The following DCAF11 variants were observed in gnomAD, a reference collection of about 807,000 sequenced individuals.
DCAF11 encodes DDB1 and CUL4 associated factor 11.
In DCAF11, 44 loss-of-function variants were observed where a neutral mutation model predicts 76.1. That is an observed-to-expected ratio of 0.58 (90% confidence interval 0.45 to 0.74). DCAF11 has a LOEUF of 0.74. Among genes scored for constraint, DCAF11 ranks in the 30% least tolerant of loss-of-function variants. DCAF11 has a pLI of 0.00. For synonymous variants in DCAF11, 258 were observed against 255.0 expected (o/e 1.01, Z -0.11); for missense variants, 604 against 709.4 (o/e 0.85, Z 1.69).
Position 24,119,156 on chromosome 14 carries a change from G to A in DCAF11, c.791G>A (p.Arg264His), listed in dbSNP as rs768964486. The A allele has an allele frequency of 2.0e-5, 32 of 1,614,094 alleles. No homozygotes were observed. Among genetic ancestry groups the A allele is most frequent in the East Asian group, 4.5e-5 (2 of 44,904 alleles). The change falls in exon 9 of 15, where the codon CGT (arginine) becomes CAT (histidine). Residue 264 changes from arginine to histidine, a missense_variant. Physicochemically the swap from Arg to His is conservative, Grantham distance 29 (BLOSUM62 0). Transcript: ENST00000446197. ...CTTCTTGCTTTTAGGCCAGATGAGC[G>A]TCGCTTTGCTGTCTTCTCCATTGCT... ...HTALDLRPDE[R>H]RFAVFSIAVS...
At position 24,118,553 on chromosome 14, in the gene DCAF11, T is replaced by C; in HGVS notation, c.724+19T>C. ...GATTACAGTGAGTATGCACCAGGCT[T>C]CCACTGACTCTCCAGCCTGGGACCT... On this transcript the variant is annotated intron_variant, in intron 7 of 14. Coordinates refer to ENST00000446197, the MANE Select transcript of DCAF11 (RefSeq NM_025230.5). 6.2e-7 allele frequency: 1 copy of C among 1,609,954 alleles called. No individual in the cohort carries two copies. Among genetic ancestry groups the C allele is most frequent in the Non-Finnish European group, 8.5e-7 (1 of 1,176,616 alleles).
In DCAF11 at chr14:24,115,752, A is replaced by C; in HGVS notation, c.155+3A>C. The C allele has an allele frequency of 6.2e-7, 1 of 1,611,500 alleles. No homozygotes were observed. Among genetic ancestry groups the C allele is most frequent in the Non-Finnish European group, 8.5e-7 (1 of 1,178,648 alleles). ...GTACTGGCCTATCTCCTCCGCAGGT[A>C]ACTTACCCTCTGGTGTGACCCCCAG... On this transcript the variant is annotated splice_donor_region_variant and intron_variant, in intron 2 of 14. Transcript: ENST00000446197.
intron 9 of DCAF11, 95 bp downstream of exon 9, chr14:24,119,308 G>A: frequency 6.7e-7 from 1 of 1,499,158 alleles, no homozygotes. Context: ...GGCAGCTGCA[G>A]AGAACAACCA....
Position 24,121,371 on chromosome 14 carries a change from G to T in DCAF11, c.1253G>T (p.Arg418Leu), listed in dbSNP as rs200269782. 1 of 1,614,152 alleles carries T rather than the reference G, an allele frequency of 6.2e-7. No homozygotes were observed. The highest frequency in any genetic ancestry group is 8.5e-7 in the Non-Finnish European group (1 of 1,180,034). ...RWQQVPKKAW[R>L]KLKLPGDSSL... The stretch of plus-strand genomic sequence containing the variant: ...ACTCTGCATCCCTACCCAGCCTGGC[G>T]GAAGCTGAAGCTCCCAGGGGACAGC... The change falls in exon 13 of 15, where the codon CGG (arginine) becomes CTG (leucine). Residue 418 changes from arginine to leucine, a missense_variant. By Grantham distance (102) the Arg-to-Leu change is moderately radical (BLOSUM62 -2). Transcript: ENST00000446197.
chr14:24,114,918 C>T lies in DCAF11; in HGVS notation c.-589C>T. 3.0e-6 allele frequency: 3 copies of T among 986,038 alleles called. No homozygotes were observed. The highest frequency in any genetic ancestry group is 3.6e-6 in the Non-Finnish European group (3 of 830,010). 61.1% of individuals were successfully genotyped at this position (986,038 alleles called of 1,614,324 possible). A position where few individuals can be genotyped will look rare whatever the true frequency, so the allele number is the denominator to read the frequency against. Reference sequence around the variant, plus strand: ...GCCGCTGCGGGTCCTGCGACCGCTCCTGGCTGGTGGGTGGTCTCGCGTGGG... The same window carrying T: ...GCCGCTGCGGGTCCTGCGACCGCTCTTGGCTGGTGGGTGGTCTCGCGTGGG... On this transcript the variant is annotated 5_prime_UTR_variant, in exon 1 of 15. Transcript: ENST00000446197.
Position 24,119,215 on chromosome 14 carries a change from T to C in DCAF11, c.848+2T>C. 3 of 1,614,054 alleles carry C rather than the reference T, an allele frequency of 1.9e-6. No individual in the cohort carries two copies. Among genetic ancestry groups the C allele is most frequent in the Non-Finnish European group, 2.5e-6 (3 of 1,179,990 alleles). On this transcript the variant is annotated splice_donor_variant, in intron 9 of 14. Transcript: ENST00000446197. LOFTEE classifies it high-confidence loss of function. ...AGATGGACGAGAAGTACTAGGAGGG[T>C]AAGTGCTTGTGGGGTATGTTTCCCT...
Position 24,115,006 on chromosome 14 carries a change from C to T in DCAF11, c.-501C>T. The T allele has an allele frequency of 4.1e-6, 4 of 986,002 alleles. No homozygotes were observed. Among genetic ancestry groups the T allele is most frequent in the South Asian group, 4.7e-5 (1 of 21,444 alleles). The allele number at this position is 986,002 out of a possible 1,614,324, so 61.1% of individuals were successfully genotyped here. A position where few individuals can be genotyped will look rare whatever the true frequency, so the allele number is the denominator to read the frequency against. ...CTTCCTCCCCCTCATGGCGTACACACCCCCGGCGCACCACGTGGGCGTGAG... is the reference window on the plus strand; with the variant it reads ...CTTCCTCCCCCTCATGGCGTACACATCCCCGGCGCACCACGTGGGCGTGAG... On this transcript the variant is annotated 5_prime_UTR_variant, in exon 1 of 15. Coordinates refer to ENST00000446197, the MANE Select transcript of DCAF11 (RefSeq NM_025230.5).
intron 2 of DCAF11, among the ~76,000 whole-genome samples, chr14:24,116,063 C>T (rs1033816579): frequency 1.1e-4 from 17 of 150,912 alleles, no homozygotes; most frequent in Non-Finnish European, 2.2e-4. Context: ...GGGGGGGGTC[C>T]TAGTGGGAAA....
In DCAF11 at chr14:24,123,470, C is replaced by A; in HGVS notation, c.*161C>A. ...TCAGCTGAGCCCTGGAAGATTCTCC[C>A]CATGGGGCAGAGTGGTCTCCTTACG... is the stretch of plus-strand genomic sequence containing the variant. On this transcript the variant is annotated 3_prime_UTR_variant, in exon 15 of 15. Coordinates refer to ENST00000446197, the MANE Select transcript of DCAF11 (RefSeq NM_025230.5). 8.5e-7 allele frequency: 1 copy of A among 1,179,324 alleles called. No homozygotes were observed. 73.1% of individuals were successfully genotyped at this position (1,179,324 alleles called of 1,614,324 possible).
intron 2 of DCAF11, among the ~76,000 whole-genome samples, chr14:24,116,087 G>A (rs2037554073): frequency 1.3e-5 from 2 of 151,566 alleles, no homozygotes; most frequent in African/African-American, 4.8e-5. Flanking sequence ...GTGATGTAAG[G>A]GGTGAAGAGA....
chr14:24,121,114 A>T, intron 12 of DCAF11, 123 bp downstream of exon 12: 1 of 1,401,972 alleles, frequency 7.1e-7, no homozygotes, highest in Non-Finnish European at 9.6e-7. Flanking sequence ...TGGAATGGCC[A>T]GAGGTTCCTA....
chr14:24,117,134 C>T lies in DCAF11; in HGVS notation c.283+90C>T, dbSNP rs532253968. 57 of 1,608,466 alleles carry T rather than the reference C, an allele frequency of 3.5e-5. No individual in the cohort carries two copies. The highest frequency in any genetic ancestry group is 8.0e-5 in the African/African-American group (6 of 74,724). On this transcript the variant is annotated intron_variant, in intron 3 of 14. Coordinates refer to ENST00000446197, the MANE Select transcript of DCAF11 (RefSeq NM_025230.5). This position sits in a 1 kb window ranked among gnomAD's most constrained non-coding sequence, Gnocchi z 4.3. ...TGATAGGTTACATTGAAAGAAGGTA[C>T]GATAATTTAAGGAATAAGGAGTCCT...
chr14:24,117,208 G>C lies in DCAF11; in HGVS notation c.284-58G>C, dbSNP rs1258697956. 6 of 1,611,010 alleles carry C rather than the reference G, an allele frequency of 3.7e-6. No individual in the cohort carries two copies. The highest frequency in any genetic ancestry group is 5.1e-6 in the Non-Finnish European group (6 of 1,178,012). On this transcript the variant is annotated intron_variant, in intron 3 of 14. Coordinates refer to ENST00000446197, the MANE Select transcript of DCAF11 (RefSeq NM_025230.5). This position sits in a 1 kb window ranked among gnomAD's most constrained non-coding sequence, Gnocchi z 4.3. ...CAGGGGTGGGCTTGGGTACAGTTCT[G>C]CTAACTGTCCTCTGAGGCTGGCAGA... is the stretch of plus-strand genomic sequence containing the variant.
At position 24,118,463 on chromosome 14, in the gene DCAF11, G is replaced by A; in HGVS notation, c.653G>A (p.Gly218Asp). Residue 218 changes from glycine (G) to aspartate (D), a missense_variant, in exon 7 of 15, where the codon GGC becomes GAC. By Grantham distance (94) the Gly-to-Asp change is moderately conservative. Transcript: ENST00000446197. ...KFKSIKARDV[G>D]WSVLDVAFTP... ...AAGAGCATCAAGGCCCGCGACGTAG[G>A]CTGGAGCGTCTTGGATGTGGCCTTC... 1 of 1,614,200 alleles carries A rather than the reference G, an allele frequency of 6.2e-7. No homozygotes were observed. Among genetic ancestry groups the A allele is most frequent in the East Asian group, 2.2e-5 (1 of 44,886 alleles).
chr14:24,118,105 T>C lies in DCAF11; in HGVS notation c.527T>C (p.Phe176Ser). The change falls in exon 6 of 15, where the codon TTC (phenylalanine) becomes TCC (serine). Residue 176 changes from phenylalanine to serine, a missense_variant. By Grantham distance (155) the Phe-to-Ser change is radical (BLOSUM62 -2). Transcript: ENST00000446197. The part of the protein sequence containing the change: ...GFTDSYSQKA[F>S]CGIYSKDGQI... ...ACTGATAGCTACTCTCAGAAGGCTT[T>C]CTGTGGCATCTACAGCAAAGATGGT... 1 of 1,613,218 alleles carries C rather than the reference T, an allele frequency of 6.2e-7. No homozygotes were observed. The highest frequency in any genetic ancestry group is 1.1e-5 in the South Asian group (1 of 90,856).
intron 1 of DCAF11, 39 bp downstream of exon 1, chr14:24,115,332 T>G: frequency 2.9e-6 from 1 of 341,488 alleles, no homozygotes; most frequent in East Asian, 5.0e-5. Flanking sequence ...CTTCAGTTGG[T>G]GAGCTAGGGT....
Position 24,119,883 on chromosome 14 carries a change from T to C in DCAF11, c.1079T>C (p.Phe360Ser), listed in dbSNP as rs1202293372. The change falls in exon 11 of 15, where the codon TTC (phenylalanine) becomes TCC (serine). Residue 360 changes from phenylalanine to serine, a missense_variant. Physicochemically the swap from Phe to Ser is radical, Grantham distance 155. Transcript: ENST00000446197. The part of the protein sequence containing the change: ...ALAGHQDGIT[F>S]IDSKGDARYL... The stretch of plus-strand genomic sequence containing the variant: ...GCTGGACACCAGGATGGCATCACCT[T>C]CATTGACAGCAAGGTGGGCCAGAAG... 2 of 1,612,068 alleles carry C rather than the reference T, an allele frequency of 1.2e-6. No homozygotes were observed. Among genetic ancestry groups the C allele is most frequent in the Non-Finnish European group, 1.7e-6 (2 of 1,179,048 alleles).
intron 13 of DCAF11, among the ~76,000 whole-genome samples, chr14:24,122,561 G>C (rs978793485): frequency 6.6e-6 from 1 of 151,430 alleles, no homozygotes; most frequent in Admixed American, 6.6e-5. Context: ...GCCTAAGGCA[G>C]TGCTGTCCCT....
chr14:24,118,183 C>G (rs931087213), intron 6 of DCAF11, 28 bp downstream of exon 6: 1 of 1,594,186 alleles, frequency 6.3e-7, no homozygotes, highest in Non-Finnish European at 8.6e-7. Context: ...TATAAACTAT[C>G]TTTTCCTGGA....
Sources: allele counts gnomAD v4.1 joint callset (sites outside exome capture counted in the v4.1 genomes callset), GRCh38; gene constraint gnomAD v4.1.1; non-coding constraint Gnocchi (gnomAD v3.1); transcripts MANE v1.5; gene names NCBI Gene and HGNC (gene_info 2026-07-23, HGNC 2026-07-21).